Variants in TMEM232 observed in about 807,000 individuals in gnomAD.
The protein encoded by TMEM232 is transmembrane protein 232.
Under a neutral mutation model 78.8 loss-of-function variants are expected in TMEM232, and 80 were observed. The observed-to-expected ratio is 1.01, with a 90% CI of 0.85 to 1.22. The LOEUF is 1.22. Among genes scored for constraint, TMEM232 ranks in the 50% most tolerant of loss-of-function variants. TMEM232 has a pLI of 0.00. For missense variants in TMEM232, 881 were observed against 742.2 expected (o/e 1.19, Z -2.17); for synonymous variants, 297 against 254.3 (o/e 1.17, Z -1.60).
chr5:110,504,025 C>A (rs1766577920), intron 12 of TMEM232, among the ~76,000 whole-genome samples: 1 of 152,128 alleles, frequency 6.6e-6, no homozygotes, highest in Non-Finnish European at 1.5e-5. Flanking sequence ...ACTATCTTGG[C>A]AGTTTATGAG....
intron 8 of TMEM232, among the ~76,000 whole-genome samples, chr5:110,617,721 C>A (rs112146595): frequency 6.6e-6 from 1 of 151,848 alleles, no homozygotes; most frequent in East Asian, 1.9e-4. Context: ...TTTGGGAGGC[C>A]GAGGTAGGCA....
At chr5:110,672,742 C>A (rs60130678) in intron 1 of TMEM232, among the ~76,000 whole-genome samples, 1 of 151,960 alleles carries the variant, frequency 6.6e-6, no homozygotes, top group Non-Finnish European at 1.5e-5. Flanking sequence ...AATATTAGTT[C>A]TTTTCTAAAG....
chr5:110,676,403 T>G (rs914746570), intron 1 of TMEM232, among the ~76,000 whole-genome samples: 5 of 125,478 alleles, frequency 4.0e-5, no homozygotes, highest in Admixed American at 7.6e-5. Flanking sequence ...TCCCTTTTCT[T>G]TTTTTTTTTT....
chr5:110,595,345 T>C (rs1278202777), intron 10 of TMEM232, among the ~76,000 whole-genome samples: 1 of 152,174 alleles, frequency 6.6e-6, no homozygotes, highest in Non-Finnish European at 1.5e-5. Flanking sequence ...CTGAAAATTC[T>C]AAAAACCAGA....
intron 12 of TMEM232, among the ~76,000 whole-genome samples, chr5:110,465,207 T>G (rs941248190): frequency 6.6e-6 from 1 of 152,258 alleles, no homozygotes; most frequent in Admixed American, 6.5e-5. Flanking sequence ...TTAGACTGTT[T>G]AGAAAGCTGT....
intron 11 of TMEM232, among the ~76,000 whole-genome samples, chr5:110,532,195 T>C (rs1048080880): frequency 1.3e-4 from 20 of 151,902 alleles, no homozygotes; most frequent in Non-Finnish European, 2.9e-4. Context: ...TTGTGCAGGA[T>C]CCCACTAGAA....
At chr5:110,602,460 C>A (rs550080180) in intron 10 of TMEM232, among the ~76,000 whole-genome samples, 9 of 149,920 alleles carry the variant, frequency 6.0e-5, no homozygotes, top group African/African-American at 2.0e-4. Flanking sequence ...GAAAAAAAAA[C>A]CCATCAACAA....
intron 13 of TMEM232, among the ~76,000 whole-genome samples, chr5:110,422,156 T>TATAATAGAAGTTATATAGCATAGAAGTTA (rs1288202405): frequency 6.6e-6 from 1 of 152,136 alleles, no homozygotes; most frequent in Non-Finnish European, 1.5e-5. Flanking sequence ...GAAGTTATAG[T>TATAATAGAAGTTATATAGCATAGAAGTTA]TGGTATAATA....
intron 3 of TMEM232, among the ~76,000 whole-genome samples, chr5:110,396,861 G>A (rs1292521120): frequency 6.6e-6 from 1 of 152,016 alleles, no homozygotes; most frequent in Non-Finnish European, 1.5e-5. Flanking sequence ...GGGATGTAAG[G>A]AGAACTAGAA....
chr5:110,507,803 A>G (rs967512467), intron 12 of TMEM232, among the ~76,000 whole-genome samples: 12 of 152,044 alleles, frequency 7.9e-5, no homozygotes. Flanking sequence ...TCAGATTTCT[A>G]TTTTTTTTAA....
intron 2 of TMEM232, among the ~76,000 whole-genome samples, chr5:110,665,013 G>A (rs1412707632): frequency 3.3e-5 from 5 of 152,100 alleles, no homozygotes; most frequent in African/African-American, 1.2e-4. Flanking sequence ...TTTGTGAATT[G>A]TAGTGGCCAT....
chr5:110,458,342 G>A (rs931072628), intron 12 of TMEM232, among the ~76,000 whole-genome samples: 2 of 151,850 alleles, frequency 1.3e-5, no homozygotes, highest in Non-Finnish European at 2.9e-5. Flanking sequence ...TGGCTTTGAG[G>A]AGCTCCTGAT....
chr5:110,586,481 A>G (rs1396032126), intron 10 of TMEM232, among the ~76,000 whole-genome samples: 1 of 152,064 alleles, frequency 6.6e-6, no homozygotes, highest in East Asian at 1.9e-4. Flanking sequence ...ATAATTAATT[A>G]TCAAAACTAT....
intron 1 of TMEM232, among the ~76,000 whole-genome samples, chr5:110,691,443 C>A: frequency 6.6e-6 from 1 of 152,110 alleles, no homozygotes; most frequent in Non-Finnish European, 1.5e-5. Context: ...TCCATGAATT[C>A]TTGTATTGGA....
intron 8 of TMEM232, among the ~76,000 whole-genome samples, chr5:110,608,648 C>T (rs1395818133): frequency 3.3e-5 from 5 of 152,020 alleles, no homozygotes; most frequent in Admixed American, 3.3e-4. Flanking sequence ...AAATGCTTCA[C>T]CAGCAACACA....
intron 1 of TMEM232, among the ~76,000 whole-genome samples, chr5:110,714,663 T>C (rs189482768): frequency 1.7e-3 from 259 of 152,348 alleles, no homozygotes; most frequent in African/African-American, 5.9e-3. Flanking sequence ...GACCAGTTTA[T>C]ATTTAGCACT....
At chr5:110,680,606 G>A (rs771395506) in intron 1 of TMEM232, among the ~76,000 whole-genome samples, 3 of 151,766 alleles carry the variant, frequency 2.0e-5, no homozygotes, top group Non-Finnish European at 4.4e-5. Context: ...CTATTATTGA[G>A]TAAAACCATA....
chr5:110,506,371 T>G (rs73220796), intron 12 of TMEM232, among the ~76,000 whole-genome samples: 5,811 of 152,230 alleles, frequency 0.038, 380 homozygotes, highest in African/African-American at 0.13. Flanking sequence ...GATTAATATA[T>G]TTTATGGTTA....
downstream of TMEM232, among the ~76,000 whole-genome samples, chr5:110,414,740 T>C (rs907990625): frequency 7.9e-5 from 12 of 152,170 alleles, no homozygotes; most frequent in Admixed American, 1.3e-4. Context: ...CATTCTCTGT[T>C]CCAATACGGC....
Sources: allele counts gnomAD v4.1 joint callset (sites outside exome capture counted in the v4.1 genomes callset), GRCh38; gene constraint gnomAD v4.1.1; transcripts MANE v1.5; gene names NCBI Gene and HGNC (gene_info 2026-07-23, HGNC 2026-07-21).